The following SPIRE1 variants were observed in gnomAD, a reference collection of about 807,000 sequenced individuals.
SPIRE1 encodes protein spire homolog 1.
In SPIRE1, 40 loss-of-function variants were observed where a neutral mutation model predicts 94.1. That is an observed-to-expected ratio of 0.43 (90% CI 0.33 to 0.55). SPIRE1 has a LOEUF of 0.55. SPIRE1 is among the 20% of genes least tolerant of loss of function. The pLI is 0.06. For missense variants in SPIRE1, 838 were observed against 975.2 expected (o/e 0.86, Z 1.87); for synonymous variants, 376 against 371.7 (o/e 1.01, Z -0.13).
intron 2 of SPIRE1, among the ~76,000 whole-genome samples, chr18:12,604,152 A>C (rs2036909831): frequency 6.6e-6 from 1 of 152,138 alleles, no homozygotes; most frequent in Non-Finnish European, 1.5e-5. Context: ...AAATCAGTCA[A>C]ATCAGTGTAT....
chr18:12,661,728 T>C (rs2038697877), upstream of SPIRE1: 2 of 153,002 alleles, frequency 1.3e-5, no homozygotes, highest in Non-Finnish European at 2.9e-5. Context: ...TGAGCCAAGA[T>C]TGTACCACTG....
At chr18:12,523,261 T>C (rs886852384) in intron 4 of SPIRE1, among the ~76,000 whole-genome samples, 1 of 152,220 alleles carries the variant, frequency 6.6e-6, no homozygotes, top group Admixed American at 6.5e-5. Context: ...TGTGCCTGAA[T>C]TACTGCAATC....
Position 12,535,482 on chromosome 18 carries a change from C to A in SPIRE1, c.723G>T (p.Ala241=). 1 of 1,612,148 alleles carries A rather than the reference C, an allele frequency of 6.2e-7. No individual in the cohort carries two copies. The highest frequency in any genetic ancestry group is 8.5e-7 in the Non-Finnish European group (1 of 1,178,660). The change falls in exon 4 of 17, where the codon GCG becomes GCT. Residue 241 remains alanine, a synonymous_variant. Coordinates refer to ENST00000409402, the MANE Select transcript of SPIRE1 (RefSeq NM_001128626.2). ...TCAAAGCAGTAGTACTCACCTCTTT[C>A]GCACTCTTAATTTTGGTCAGAAATG... is the stretch of plus-strand genomic sequence containing the variant. ...LHTFLTKIKS[A]KENLKKIQEM...
intron 2 of SPIRE1, among the ~76,000 whole-genome samples, chr18:12,611,832 TTTC>T (rs2037149993): frequency 1.0e-5 from 1 of 100,052 alleles, no homozygotes; most frequent in East Asian, 3.2e-4. Context: ...TTAAGCTACT[TTTC>T]TTTTTTTTTT....
intron 4 of SPIRE1, among the ~76,000 whole-genome samples, chr18:12,525,996 T>C (rs2144129920): frequency 6.9e-6 from 1 of 144,854 alleles, no homozygotes; most frequent in Admixed American, 7.1e-5. Flanking sequence ...AGGTTTCCAG[T>C]AATACATGCT....
chr18:12,611,835 C>CTT (rs71174105), intron 2 of SPIRE1, among the ~76,000 whole-genome samples: 80,116 of 146,680 alleles, frequency 0.55, 22,984 homozygotes, highest in Middle Eastern at 0.73. Context: ...AGCTACTTTT[C>CTT]TTTTTTTTTT....
chr18:12,626,886 A>ATACATATATT (rs55915333), intron 2 of SPIRE1, among the ~76,000 whole-genome samples: 2 of 111,894 alleles, frequency 1.8e-5, no homozygotes, highest in Non-Finnish European at 3.7e-5. Flanking sequence ...ATATATATAT[A>ATACATATATT]TTTTTTTTTT....
chr18:12,514,889 G>C (rs529351767), intron 4 of SPIRE1, among the ~76,000 whole-genome samples: 1 of 152,052 alleles, frequency 6.6e-6, no homozygotes, highest in Admixed American at 6.6e-5. Context: ...GAAGAAAAGA[G>C]GTAATTATAG....
Position 12,449,716 on chromosome 18 carries a change from C to G in SPIRE1, c.2193G>C (p.Arg731Ser). 1 of 1,614,158 alleles carries G rather than the reference C, an allele frequency of 6.2e-7. No individual in the cohort carries two copies. The highest frequency in any genetic ancestry group is 1.1e-5 in the South Asian group (1 of 91,080). Residue 731 changes from arginine (R) to serine (S), a missense_variant, in exon 17 of 17, where the codon AGG becomes AGC. By Grantham distance (110) the Arg-to-Ser change is moderately radical. This residue lies in a region of SPIRE1 where 645 missense variants were observed against 804.7 expected (regional missense o/e 0.80). Coordinates refer to ENST00000409402, the MANE Select transcript of SPIRE1 (RefSeq NM_001128626.2). Reference sequence around the variant, plus strand: ...AGGACATGTAGAAAGACTGCGTTTTCCTTTTCAATCGGGCCCTTTTGTTGG... The same window carrying G: ...AGGACATGTAGAAAGACTGCGTTTTGCTTTTCAATCGGGCCCTTTTGTTGG... ...VLANKRARLK[R>S]KTQSFYMSSP... is the part of the protein sequence containing the mutation.
At chr18:12,506,694 C>CTATCG (rs2033848317) in intron 5 of SPIRE1, 53 bp from the exon 6 acceptor site, 1 of 1,503,448 alleles carries the variant, frequency 6.7e-7, no homozygotes, top group Non-Finnish European at 9.2e-7. Context: ...CTAGTTTCTT[C>CTATCG]TAAACAGCTA....
chr18:12,527,408 T>C (rs1305265404), intron 4 of SPIRE1, among the ~76,000 whole-genome samples: 2 of 152,196 alleles, frequency 1.3e-5, no homozygotes, highest in Non-Finnish European at 2.9e-5. Flanking sequence ...AGGATTAAAG[T>C]ACTAACATAA....
intron 4 of SPIRE1, among the ~76,000 whole-genome samples, chr18:12,519,014 AG>A (rs1324606580): frequency 6.6e-6 from 1 of 152,238 alleles, no homozygotes; most frequent in Non-Finnish European, 1.5e-5. Flanking sequence ...TAAGTACTAA[AG>A]AATATGATTT....
chr18:12,452,985 A>G (rs2031318361), intron 14 of SPIRE1, 83 bp downstream of exon 14: 1 of 859,704 alleles, frequency 1.2e-6, no homozygotes. Flanking sequence ...TCCTGTTTAG[A>G]AAGATGGTGA....
intron 7 of SPIRE1, 128 bp downstream of exon 7, chr18:12,495,888 C>A: frequency 3.0e-6 from 2 of 666,746 alleles, no homozygotes; most frequent in Admixed American, 2.7e-5. Flanking sequence ...TACAGCTGGG[C>A]TTCATCTTCA....
chr18:12,573,996 C>G (rs12455093), intron 2 of SPIRE1, among the ~76,000 whole-genome samples: 52,363 of 152,112 alleles, frequency 0.34, 10,570 homozygotes, highest in East Asian at 0.58. Context: ...ACCTCATTCT[C>G]CCAAAGTGCT....
chr18:12,540,628 G>A (rs1160861643), intron 3 of SPIRE1, among the ~76,000 whole-genome samples: 1 of 152,012 alleles, frequency 6.6e-6, no homozygotes, highest in Non-Finnish European at 1.5e-5. Flanking sequence ...TGTCCACCTC[G>A]GCCTCTCAAA....
chr18:12,655,467 C>T (rs573292655), intron 1 of SPIRE1, among the ~76,000 whole-genome samples: 1 of 152,240 alleles, frequency 6.6e-6, no homozygotes, highest in South Asian at 2.1e-4. Flanking sequence ...TTTTAGGCAA[C>T]AGAAAATGCT....
In SPIRE1 at chr18:12,512,463, G is replaced by C. The variant is rs765878117; in HGVS notation, c.798C>G (p.Asn266Lys). 1 of 1,609,974 alleles carries C rather than the reference G, an allele frequency of 6.2e-7. No homozygotes were observed. The highest frequency in any genetic ancestry group is 8.5e-7 in the Non-Finnish European group (1 of 1,176,882). ...ESSTDLEELK[N>K]ADWARFWVQV... is the part of the protein sequence containing the mutation. ...CATTTCCAGCTCTTACCCAGTCAGC[G>C]TTTTTCAGCTCTTCCAAGTCTGTGC... Residue 266 changes from asparagine to lysine, a missense_variant, in exon 5 of 17, where the codon AAC (asparagine) becomes AAG (lysine). Asn to Lys is a moderately conservative substitution (Grantham distance 94). Coordinates refer to ENST00000409402, the MANE Select transcript of SPIRE1 (RefSeq NM_001128626.2).
At chr18:12,584,724 G>A (rs976957995) in intron 2 of SPIRE1, among the ~76,000 whole-genome samples, 11 of 152,004 alleles carry the variant, frequency 7.2e-5, no homozygotes, top group Admixed American at 5.9e-4. Flanking sequence ...AGCCCTAGGC[G>A]TTTGAGTCCA....
Sources: allele counts gnomAD v4.1 joint callset (sites outside exome capture counted in the v4.1 genomes callset), GRCh38; gene constraint gnomAD v4.1.1; regional missense constraint gnomAD v4.1.1; transcripts MANE v1.5; gene names NCBI Gene and HGNC (gene_info 2026-07-23, HGNC 2026-07-21).